TMTC2: variants seen among roughly 807,000 people sequenced by gnomAD.
TMTC2 encodes transmembrane O-mannosyltransferase targeting cadherins 2.
Under a neutral mutation model 82.4 loss-of-function variants are expected in TMTC2, and 43 were observed. The observed-to-expected ratio is 0.52, with a 90% confidence interval of 0.41 to 0.67. The LOEUF (loss-of-function observed/expected upper bound fraction) is 0.67, where lower values mean the gene tolerates loss of function less well. TMTC2 is among the 30% of genes least tolerant of loss of function. The pLI is 0.00. For synonymous variants in TMTC2, 408 were observed against 381.9 expected (o/e 1.07, Z -0.80); for missense variants, 919 against 1,012.4 (o/e 0.91, Z 1.25).
At chr12:82,971,983 G>T (rs1220750669) in intron 7 of TMTC2, among the ~76,000 whole-genome samples, 1 of 152,022 alleles carries the variant, frequency 6.6e-6, no homozygotes, top group Non-Finnish European at 1.5e-5. Flanking sequence ...TAAATAAAAT[G>T]GAATACTATT....
intron 1 of TMTC2, among the ~76,000 whole-genome samples, chr12:82,740,152 T>C (rs571390381): frequency 6.6e-6 from 1 of 152,334 alleles, no homozygotes; most frequent in Admixed American, 6.5e-5. Flanking sequence ...TTTCTGTTAC[T>C]AGAAATCCTT....
At chr12:82,708,854 C>T (rs1405426200) in intron 1 of TMTC2, among the ~76,000 whole-genome samples, 2 of 152,136 alleles carry the variant, frequency 1.3e-5, no homozygotes, top group African/African-American at 2.4e-5. Context: ...GGGTATCTGC[C>T]TTGCTTTAGC....
intron 11 of TMTC2, among the ~76,000 whole-genome samples, chr12:83,092,557 C>T (rs1454781839): frequency 6.6e-6 from 1 of 152,080 alleles, no homozygotes; most frequent in East Asian, 1.9e-4. Flanking sequence ...GAAAAGGAAA[C>T]CAGATTGTAT....
intron 4 of TMTC2, among the ~76,000 whole-genome samples, chr12:82,936,978 C>T (rs1313148020): frequency 6.6e-6 from 1 of 152,158 alleles, no homozygotes; most frequent in African/African-American, 2.4e-5. Context: ...ATTAGGATAA[C>T]CACATTCTTT....
At chr12:83,091,325 T>A (rs979309346) in intron 11 of TMTC2, among the ~76,000 whole-genome samples, 6 of 152,214 alleles carry the variant, frequency 3.9e-5, no homozygotes, top group African/African-American at 1.4e-4. Context: ...ATTTATTTGT[T>A]TTTTCCCCAA....
At chr12:82,886,531 C>T (rs936009805) in intron 2 of TMTC2, among the ~76,000 whole-genome samples, 10 of 151,980 alleles carry the variant, frequency 6.6e-5, no homozygotes, top group Admixed American at 2.6e-4. Flanking sequence ...CATTATAATC[C>T]GAAATACTGA....
At chr12:82,766,176 A>G (rs939339654) in intron 1 of TMTC2, among the ~76,000 whole-genome samples, 1 of 152,192 alleles carries the variant, frequency 6.6e-6, no homozygotes, top group Non-Finnish European at 1.5e-5. Flanking sequence ...ACCTATGTTC[A>G]ATATCACCTC....
chr12:82,734,568 T>C (rs1874990971), intron 1 of TMTC2, among the ~76,000 whole-genome samples: 1 of 152,188 alleles, frequency 6.6e-6, no homozygotes, highest in Admixed American at 6.5e-5. Context: ...GAAGGGTTCA[T>C]AGGGACCCTT....
intron 3 of TMTC2, among the ~76,000 whole-genome samples, chr12:82,926,016 T>C (rs1411362505): frequency 1.3e-5 from 2 of 148,408 alleles, no homozygotes; most frequent in Non-Finnish European, 3.0e-5. Context: ...AGAGTCTCAC[T>C]CTGTCGCCAG....
At chr12:82,982,942 G>C (rs758176980) in intron 7 of TMTC2, among the ~76,000 whole-genome samples, 1 of 151,998 alleles carries the variant, frequency 6.6e-6, no homozygotes, top group African/African-American at 2.4e-5. Context: ...AATCCAAATA[G>C]TGACATTCCT....
At chr12:82,793,082 C>T (rs573378320) in intron 1 of TMTC2, among the ~76,000 whole-genome samples, 25 of 152,176 alleles carry the variant, frequency 1.6e-4, no homozygotes, top group African/African-American at 6.0e-4. Flanking sequence ...ATGCACGTAA[C>T]CACTGCAGGG....
rs762412978 is a variant in TMTC2, at chr12:82,773,608, G to GCC, written c.84-83402_84-83401insCC. The stretch of plus-strand genomic sequence containing the variant: ...CCTGAGTAGCTGGGATTACAGGCGT[G>GCC]TGCCACCAGGCCCAGCTAGTTGTTG... On this transcript the variant is annotated intron_variant, in intron 1 of 11. Transcript: ENST00000321196. Among the ~76,000 whole-genome samples the GCC allele has an allele frequency of 1.8e-3, 279 of 151,774 alleles. 2 individuals are homozygous for GCC. Among genetic ancestry groups the GCC allele is most frequent in the Non-Finnish European group, 2.6e-3 (178 of 67,814 alleles).
At chr12:82,689,720 G>A (rs1872495316) in intron 1 of TMTC2, among the ~76,000 whole-genome samples, 1 of 152,160 alleles carries the variant, frequency 6.6e-6, no homozygotes, top group African/African-American at 2.4e-5. Flanking sequence ...TTTGATGGTT[G>A]GCAGTTGTAA....
At position 83,034,503 on chromosome 12, in the gene TMTC2, G is replaced by A. The variant is rs1243392057; in HGVS notation, c.2152+3624G>A. Among the ~76,000 whole-genome samples, 2 of 152,184 alleles carry A rather than the reference G, an allele frequency of 1.3e-5. 1 individual carries two copies. The highest frequency in any genetic ancestry group is 2.9e-5 in the Non-Finnish European group (2 of 68,030). On this transcript the variant is annotated intron_variant, in intron 9 of 11. Transcript: ENST00000321196. ...AGGAGTTTTGCATTGTATTCTGAGT[G>A]TACCGGAAGGGACCATGTGGAGAAG... is the stretch of plus-strand genomic sequence containing the variant.
At chr12:83,049,578 G>T (rs1040405388) in intron 9 of TMTC2, among the ~76,000 whole-genome samples, 1 of 152,254 alleles carries the variant, frequency 6.6e-6, no homozygotes, top group South Asian at 2.1e-4. Context: ...GAGCATTTAG[G>T]TTAATTCCAC....
At chr12:82,860,077 G>A (rs1168655554) in intron 2 of TMTC2, among the ~76,000 whole-genome samples, 32 of 152,002 alleles carry the variant, frequency 2.1e-4, no homozygotes, top group Non-Finnish European at 1.3e-4. Flanking sequence ...GGGTTCAAGC[G>A]ACTCTTCTGC....
chr12:82,937,916 T>TA lies in TMTC2; in HGVS notation c.1598+7371_1598+7372insA, dbSNP rs1233172734. Among the ~76,000 whole-genome samples the TA allele has an allele frequency of 4.5e-4, 15 of 33,366 alleles. No homozygotes were observed. The East Asian group carries it at 0.028, about 62-fold the overall frequency. 21.9% of individuals were successfully genotyped at this position (33,366 alleles called of 152,430 possible). A position where few individuals can be genotyped will look rare whatever the true frequency, so the allele number is the denominator to read the frequency against. On this transcript the variant is annotated intron_variant, in intron 4 of 11. Coordinates refer to ENST00000321196, the MANE Select transcript of TMTC2 (RefSeq NM_152588.3). The stretch of plus-strand genomic sequence containing the variant: ...ACACCATAGATTCAAACCTTTTTTT[T>TA]TTTTTATTTTTTTTTTTTGAGACAG...
intron 4 of TMTC2, among the ~76,000 whole-genome samples, chr12:82,931,894 C>G (rs1187034302): frequency 6.6e-6 from 1 of 152,010 alleles, no homozygotes; most frequent in Non-Finnish European, 1.5e-5. Context: ...GGTTGAAACA[C>G]TGAGTGATGT....
chr12:82,852,151 G>T (rs551496381), intron 1 of TMTC2, among the ~76,000 whole-genome samples: 24 of 150,634 alleles, frequency 1.6e-4, no homozygotes, highest in Non-Finnish European at 2.8e-4. Flanking sequence ...GCCCAGGCTG[G>T]AGTGCAGTGG....
Sources: gnomAD v4.1 joint callset for allele counts (sites outside exome capture counted in the v4.1 genomes callset) on GRCh38, gnomAD v4.1.1 for gene constraint, MANE v1.5 for transcripts, NCBI Gene and HGNC (gene_info 2026-07-23, HGNC 2026-07-21) for gene names.